Variants in SLC22A23 observed in about 807,000 individuals in gnomAD.
The protein encoded by SLC22A23 is ion transporter protein.
A neutral mutation model predicts 61.0 loss-of-function variants in SLC22A23; 26 were observed. The ratio of observed to expected loss-of-function variants is 0.43; its 90% CI spans 0.31 to 0.59. SLC22A23 has a LOEUF of 0.59. Among genes scored for constraint, SLC22A23 ranks in the 20% least tolerant of loss-of-function variants. The pLI is 0.11. For missense variants in SLC22A23, 796 were observed against 934.7 expected (o/e 0.85, Z 1.94); for synonymous variants, 430 against 413.9 (o/e 1.04, Z -0.47).
At chr6:3,321,909 G>C (rs1218400847) in intron 4 of SLC22A23, among the ~76,000 whole-genome samples, 2 of 152,190 alleles carry the variant, frequency 1.3e-5, no homozygotes, top group Non-Finnish European at 2.9e-5. Flanking sequence ...CTGGGGAGAG[G>C]GGGTGAGCTG....
At chr6:3,381,903 A>G (rs1381077581) in intron 3 of SLC22A23, among the ~76,000 whole-genome samples, 2 of 152,160 alleles carry the variant, frequency 1.3e-5, no homozygotes, top group Non-Finnish European at 2.9e-5. Context: ...CACCCTGCTT[A>G]AAGAATGAGA....
chr6:3,343,318 C>T (rs1251235679), intron 3 of SLC22A23, among the ~76,000 whole-genome samples: 1 of 152,196 alleles, frequency 6.6e-6, no homozygotes, highest in Non-Finnish European at 1.5e-5. Context: ...TCCCATTTAA[C>T]AGGGAGGCCC....
chr6:3,332,106 A>G (rs1368585136), intron 3 of SLC22A23, among the ~76,000 whole-genome samples: 1 of 152,226 alleles, frequency 6.6e-6, no homozygotes, highest in Non-Finnish European at 1.5e-5. Context: ...GAAACCTCCG[A>G]GGCATGTGGC....
At chr6:3,280,572 T>C (rs1415842579) in intron 9 of SLC22A23, among the ~76,000 whole-genome samples, 3 of 141,396 alleles carry the variant, frequency 2.1e-5, no homozygotes, top group Non-Finnish European at 3.0e-5. Flanking sequence ...CTCGGCTCAC[T>C]GTAAGCTCCG....
rs375472522 is a variant in SLC22A23, at chr6:3,273,010, C to T, written c.*45G>A. 8.3e-5 allele frequency: 123 copies of T among 1,484,048 alleles called. No individual in the cohort carries two copies. Among genetic ancestry groups the T allele is most frequent in the Non-Finnish European group, 1.0e-4 (113 of 1,116,764 alleles). The allele number at this position is 1,484,048 out of a possible 1,614,324, so 91.9% of individuals were successfully genotyped here. A position where few individuals can be genotyped will look rare whatever the true frequency, so the allele number is the denominator to read the frequency against. On this transcript the variant is annotated 3_prime_UTR_variant, in exon 10 of 10. Transcript: ENST00000406686. ...TCGGTCCCTGGTCTGTAAACCTGTGCCCAAGCTGCCCCAGACCCTGGAGCC... is the reference window on the plus strand; with the variant it reads ...TCGGTCCCTGGTCTGTAAACCTGTGTCCAAGCTGCCCCAGACCCTGGAGCC...
chr6:3,293,977 G>A (rs973040313), intron 5 of SLC22A23, among the ~76,000 whole-genome samples: 9 of 152,148 alleles, frequency 5.9e-5, no homozygotes, highest in South Asian at 2.1e-4. Context: ...GGGGCTGCCC[G>A]GAGAGGACTG....
rs183693586 is a variant in SLC22A23, at chr6:3,328,859, G to A, written c.914-4857C>T. Among the ~76,000 whole-genome samples, 94 of 152,030 alleles carry A rather than the reference G, an allele frequency of 6.2e-4. No homozygotes were observed. The highest frequency in any genetic ancestry group is 2.2e-3 in the African/African-American group (90 of 41,396). ...TCCTGCCCATCACACAGGCTCACAC[G>A]AGGCCTCCCGTGAAGCCCATCTCCG... is the stretch of plus-strand genomic sequence containing the variant. On this transcript the variant is annotated intron_variant, in intron 3 of 9. Coordinates refer to ENST00000406686, the MANE Select transcript of SLC22A23 (RefSeq NM_015482.2). This position sits in a 1 kb window ranked among gnomAD's most constrained non-coding sequence, Gnocchi z 5.0.
chr6:3,405,665 A>C (rs1768777506), intron 3 of SLC22A23, among the ~76,000 whole-genome samples: 1 of 151,904 alleles, frequency 6.6e-6, no homozygotes, highest in South Asian at 2.1e-4. Context: ...TGATGCTTAA[A>C]GATCCTGTTG....
intron 9 of SLC22A23, among the ~76,000 whole-genome samples, chr6:3,278,125 A>G (rs543686009): frequency 9.2e-5 from 14 of 152,352 alleles, no homozygotes; most frequent in African/African-American, 2.9e-4. Context: ...CATGGAAACC[A>G]TAAGATAGTA....
chr6:3,401,826 C>T (rs561030034), intron 3 of SLC22A23, among the ~76,000 whole-genome samples: 7 of 152,298 alleles, frequency 4.6e-5, no homozygotes, highest in South Asian at 4.1e-4. Context: ...CCTGAGGACA[C>T]GGGGGCCTTG....
At chr6:3,299,020 A>G (rs1761378284) in intron 4 of SLC22A23, among the ~76,000 whole-genome samples, 1 of 151,974 alleles carries the variant, frequency 6.6e-6, no homozygotes, top group Non-Finnish European at 1.5e-5. Context: ...CAAAAAAGTG[A>G]TATTTGCGAT....
intron 1 of SLC22A23, 84 bp from the exon 2 acceptor site, chr6:3,415,939 CCT>C: frequency 2.1e-6 from 2 of 949,022 alleles, no homozygotes; most frequent in Non-Finnish European, 3.3e-6. Flanking sequence ...ATACAATAAC[CCT>C]GCAGGGACCA....
rs114081417 is a variant in SLC22A23, at chr6:3,317,092, C to G, written c.1082+6742G>C. Among the ~76,000 whole-genome samples the G allele has an allele frequency of 7.2e-3, 1,103 of 152,334 alleles. 8 individuals carry two copies. The highest frequency in any genetic ancestry group is 0.01 in the Non-Finnish European group (684 of 68,030). ...CTTGAGATAAACACCACATGGCAGC[C>G]TCTCCAACAGCCTTCTCCCTCCCTT... On this transcript the variant is annotated intron_variant, in intron 4 of 9. Coordinates refer to ENST00000406686, the MANE Select transcript of SLC22A23 (RefSeq NM_015482.2). This position sits in a 1 kb window ranked among gnomAD's most constrained non-coding sequence, Gnocchi z 4.4.
intron 3 of SLC22A23, among the ~76,000 whole-genome samples, chr6:3,363,802 A>T (rs994964153): frequency 6.6e-6 from 1 of 152,224 alleles, no homozygotes; most frequent in African/African-American, 2.4e-5. Flanking sequence ...CATCTACTAC[A>T]TGGTTACTCC....
At chr6:3,451,416 C>CAA (rs1772150160) in intron 1 of SLC22A23, among the ~76,000 whole-genome samples, 1 of 152,186 alleles carries the variant, frequency 6.6e-6, no homozygotes, top group Non-Finnish European at 1.5e-5. Context: ...AGGCTGGTCT[C>CAA]AAACTCCTAA....
At chr6:3,348,694 C>T (rs1162615546) in intron 3 of SLC22A23, among the ~76,000 whole-genome samples, 1 of 152,194 alleles carries the variant, frequency 6.6e-6, no homozygotes, top group East Asian at 1.9e-4. Flanking sequence ...TACTTCACCC[C>T]TAGCGGCTGC....
At position 3,454,221 on chromosome 6, in the gene SLC22A23, G is replaced by A. The variant is rs577995001; in HGVS notation, c.654+1685C>T. ...CATGAGGGCTGTCTGTGACCCTCTCGAATGCTAATTTAGAAAAACTGCCCA... is the reference window on the plus strand; with the variant it reads ...CATGAGGGCTGTCTGTGACCCTCTCAAATGCTAATTTAGAAAAACTGCCCA... On this transcript the variant is annotated intron_variant, in intron 1 of 9. Transcript: ENST00000406686. The surrounding 1 kb of genome is among the most constrained non-coding windows in gnomAD (Gnocchi z 4.3). Among the ~76,000 whole-genome samples the A allele has an allele frequency of 1.2e-4, 18 of 152,204 alleles. No individual in the cohort carries two copies. Among genetic ancestry groups the A allele is most frequent in the Admixed American group, 8.5e-4 (13 of 15,286 alleles).
chr6:3,398,951 G>A (rs1036618719), intron 3 of SLC22A23, among the ~76,000 whole-genome samples: 2 of 152,070 alleles, frequency 1.3e-5, no homozygotes, highest in Non-Finnish European at 2.9e-5. Context: ...ATCCTTTGAG[G>A]CCAGGAGGTC....
intron 2 of SLC22A23, among the ~76,000 whole-genome samples, chr6:3,415,220 GA>G (rs1362000730): frequency 6.6e-6 from 1 of 152,064 alleles, no homozygotes; most frequent in Non-Finnish European, 1.5e-5. Context: ...CTGTATTACC[GA>G]AATGCTCTTT....
Sources: gnomAD v4.1 joint callset for allele counts (sites outside exome capture counted in the v4.1 genomes callset) on GRCh38, gnomAD v4.1.1 for gene constraint, Gnocchi (gnomAD v3.1) non-coding constraint, MANE v1.5 for transcripts, NCBI Gene and HGNC (gene_info 2026-07-23, HGNC 2026-07-21) for gene names.